Variants in C1orf87 observed in about 807,000 individuals in gnomAD.
C1orf87 encodes the protein chromosome 1 open reading frame 87, also known as uncharacterized protein C1orf87.
A neutral mutation model predicts 60.5 loss-of-function variants in C1orf87; 58 were observed. The observed-to-expected ratio is 0.96, with a 90% confidence interval of 0.78 to 1.19. The LOEUF is 1.19. C1orf87 is among the 50% of genes most tolerant of loss of function. C1orf87 has a pLI of 0.00. For synonymous variants in C1orf87, 236 were observed against 227.4 expected, an observed-to-expected ratio of 1.04 and a Z score of -0.34; for missense variants, 673 against 638.6, an observed-to-expected ratio of 1.05 and a Z score of -0.58.
At chr1:60,015,566 G>GAGGCCTATTT (rs1373738748) in intron 8 of C1orf87, among the ~76,000 whole-genome samples, 1 of 152,090 alleles carries the variant, frequency 6.6e-6, no homozygotes, top group East Asian at 1.9e-4. Context: ...AGTTTATTCT[G>GAGGCCTATTT]AGGCCTATTT....
At chr1:60,027,838 C>T (rs1479914605) in intron 7 of C1orf87, among the ~76,000 whole-genome samples, 2 of 152,102 alleles carry the variant, frequency 1.3e-5, no homozygotes, top group East Asian at 3.9e-4. Flanking sequence ...AGAAAGAGCA[C>T]GGTGCTTTTT....
chr1:60,040,264 G>T (rs1645312646), intron 4 of C1orf87, 84 bp from the exon 5 acceptor site: 1 of 1,510,166 alleles, frequency 6.6e-7, no homozygotes. Context: ...GCACACTGGG[G>T]CTGGTATCTG....
chr1:60,007,530 C>T (rs1288478051), intron 9 of C1orf87, among the ~76,000 whole-genome samples: 1 of 151,986 alleles, frequency 6.6e-6, no homozygotes, highest in African/African-American at 2.4e-5. Flanking sequence ...TGAAGCTGGA[C>T]ATATTGTATG....
intron 2 of C1orf87, among the ~76,000 whole-genome samples, chr1:60,058,946 T>C (rs1645475657): frequency 6.6e-6 from 1 of 152,224 alleles, no homozygotes; most frequent in Non-Finnish European, 1.5e-5. Flanking sequence ...TAATCACCTT[T>C]GAAATCCTTT....
Position 60,022,799 on chromosome 1 carries a change from T to A in C1orf87, c.1127+2602A>T, listed in dbSNP as rs563775946. Among the ~76,000 whole-genome samples the A allele has an allele frequency of 5.9e-4, 90 of 152,252 alleles. 1 individual carries two copies. The highest frequency in any genetic ancestry group is 1.2e-3 in the Non-Finnish European group (81 of 67,998). ...AGCAAATAAGCAAAATAAGAATTAC[T>A]TGAACACAAGCACTGTGATACCATG... On this transcript the variant is annotated intron_variant, in intron 8 of 11. Coordinates refer to ENST00000371201, the MANE Select transcript of C1orf87 (RefSeq NM_152377.3).
chr1:60,046,040 G>T (rs1209219667), intron 3 of C1orf87, among the ~76,000 whole-genome samples: 1 of 151,970 alleles, frequency 6.6e-6, no homozygotes. Flanking sequence ...ATTGCAATAG[G>T]TTAATATCTC....
intron 9 of C1orf87, among the ~76,000 whole-genome samples, chr1:60,006,665 C>A (rs1269103910): frequency 6.6e-6 from 1 of 152,054 alleles, no homozygotes. Context: ...TGAGATCATA[C>A]TTCATTTTTG....
At chr1:60,035,755 AAC>A (rs1645271425) in intron 6 of C1orf87, among the ~76,000 whole-genome samples, 1 of 152,358 alleles carries the variant, frequency 6.6e-6, no homozygotes, top group South Asian at 2.1e-4. Flanking sequence ...AATTACATTC[AAC>A]AAATATTATT....
intron 2 of C1orf87, among the ~76,000 whole-genome samples, chr1:60,071,528 T>A (rs982821905): frequency 8.5e-5 from 13 of 152,214 alleles, no homozygotes; most frequent in Admixed American, 6.5e-4. Flanking sequence ...ACTAACTGAT[T>A]ATAGCAGTCA....
At chr1:60,040,599 G>C (rs187764601) in intron 4 of C1orf87, among the ~76,000 whole-genome samples, 15 of 152,220 alleles carry the variant, frequency 9.9e-5, no homozygotes, top group African/African-American at 3.6e-4. Context: ...CCCTTCCTGA[G>C]CTCAGCAATC....
chr1:60,056,945 G>C (rs1268728625), intron 2 of C1orf87, among the ~76,000 whole-genome samples: 1 of 152,058 alleles, frequency 6.6e-6, no homozygotes, highest in African/African-American at 2.4e-5. Context: ...AATACTTGTT[G>C]ATTTGAATAA....
intron 7 of C1orf87, among the ~76,000 whole-genome samples, chr1:60,026,947 GTT>G (rs1645202160): frequency 6.6e-6 from 1 of 152,114 alleles, no homozygotes; most frequent in African/African-American, 2.4e-5. Context: ...TGAATTTCAT[GTT>G]TAGATTTGAA....
intron 2 of C1orf87, among the ~76,000 whole-genome samples, chr1:60,065,661 G>T (rs531143654): frequency 6.6e-6 from 1 of 152,140 alleles, no homozygotes; most frequent in South Asian, 2.1e-4. Context: ...GAAGTTGATG[G>T]AATTCCATAT....
In C1orf87 at chr1:60,038,066, T is replaced by C. The variant is rs141449817; in HGVS notation, c.789A>G (p.Ala263=). 5.6e-6 allele frequency: 9 copies of C among 1,597,824 alleles called. No individual in the cohort carries two copies. The highest frequency in any genetic ancestry group is 6.9e-6 in the Non-Finnish European group (8 of 1,167,796). ...CTTTATTTTGCTGTGGATAATCTGA[T>C]GCTGCACTGTTTAAAAACCAGAGTA... The part of the protein sequence containing the change: ...EKLLWFLNSA[A]SDYPQQNKAA... The change falls in exon 6 of 12, where the codon GCA becomes GCG. Residue 263 remains alanine, a synonymous_variant. Transcript: ENST00000371201.
intron 3 of C1orf87, among the ~76,000 whole-genome samples, chr1:60,042,437 C>G (rs954158708): frequency 1.3e-5 from 2 of 152,136 alleles, no homozygotes; most frequent in Non-Finnish European, 2.9e-5. Context: ...ACTAAATTGA[C>G]AGTCATGTTG....
intron 2 of C1orf87, among the ~76,000 whole-genome samples, chr1:60,058,566 G>A (rs976816826): frequency 2.6e-5 from 4 of 152,050 alleles, no homozygotes; most frequent in Non-Finnish European, 4.4e-5. Flanking sequence ...TGACAGCCAC[G>A]CTATACTTAT....
chr1:60,021,176 T>C (rs1485289325), intron 8 of C1orf87, among the ~76,000 whole-genome samples: 1 of 152,196 alleles, frequency 6.6e-6, no homozygotes, highest in African/African-American at 2.4e-5. Flanking sequence ...GTGAGTCAAT[T>C]AAACTTCTTT....
intron 8 of C1orf87, among the ~76,000 whole-genome samples, chr1:60,011,890 T>A (rs1645087616): frequency 6.6e-6 from 1 of 152,072 alleles, no homozygotes; most frequent in South Asian, 2.1e-4. Context: ...TTCATGCCAC[T>A]TTGGGCACAT....
At position 60,072,618 on chromosome 1, in the gene C1orf87, C is replaced by T. The variant is rs761108345; in HGVS notation, c.26G>A (p.Arg9His). The change falls in exon 2 of 12, where the codon CGT (arginine) becomes CAT (histidine). Residue 9 changes from arginine (R) to histidine (H), a missense_variant. By Grantham distance (29) the Arg-to-His change is conservative. Transcript: ENST00000371201. ...GATCTCAGGCATTGCATCTGATCCA[C>T]GGGGAGTCTTCCAGGCTGAAGACAT... MSSAWKTPRGSDAMPEIMV... is the reference protein window; with the variant it reads MSSAWKTPHGSDAMPEIMV... 20 of 1,612,540 alleles carry T rather than the reference C, an allele frequency of 1.2e-5. No individual in the cohort carries two copies. Among genetic ancestry groups the T allele is most frequent in the African/African-American group, 5.3e-5 (4 of 74,898 alleles).
Sources: gnomAD v4.1 joint callset for allele counts (sites outside exome capture counted in the v4.1 genomes callset) on GRCh38, gnomAD v4.1.1 for gene constraint, MANE v1.5 for transcripts, NCBI Gene and HGNC (gene_info 2026-07-23, HGNC 2026-07-21) for gene names.